MSRB3: variants seen among roughly 807,000 people sequenced by gnomAD.
MSRB3 encodes the protein methionine sulfoxide reductase B3, also known as methionine-R-sulfoxide reductase B3.
A neutral mutation model predicts 21.0 loss-of-function variants in MSRB3; 13 were observed. The ratio of observed to expected loss-of-function variants is 0.62; its 90% CI spans 0.40 to 0.98. MSRB3 has a LOEUF of 0.98. MSRB3 is among the 50% of genes least tolerant of loss of function. The pLI, the probability that MSRB3 is intolerant of heterozygous loss-of-function variation, is 0.00. For synonymous variants in MSRB3, 87 were observed against 88.6 expected (o/e 0.98, Z 0.10); for missense variants, 199 against 230.3 (o/e 0.86, Z 0.88).
At chr12:65,388,365 A>T (rs1391474850) in intron 5 of MSRB3, among the ~76,000 whole-genome samples, 3 of 151,912 alleles carry the variant, frequency 2.0e-5, no homozygotes, top group Non-Finnish European at 4.4e-5. Flanking sequence ...CCTGGCAGTG[A>T]GGGGAACAGG....
At chr12:65,345,419 C>T (rs1440744654) in intron 4 of MSRB3, among the ~76,000 whole-genome samples, 2 of 152,008 alleles carry the variant, frequency 1.3e-5, no homozygotes, top group African/African-American at 2.4e-5. Context: ...ACTCATGGAG[C>T]CTACAACACA....
In MSRB3 at chr12:65,337,001, T is replaced by C. The variant is rs560868260; in HGVS notation, c.263+8398T>C. Among the ~76,000 whole-genome samples, 526 of 152,288 alleles carry C rather than the reference T, an allele frequency of 3.5e-3. 4 individuals carry two copies. Among genetic ancestry groups the C allele is most frequent in the African/African-American group, 0.012 (493 of 41,566 alleles). On this transcript the variant is annotated intron_variant, in intron 4 of 6. Coordinates refer to ENST00000308259, the MANE Select transcript of MSRB3 (RefSeq NM_001031679.3). ...GCTCACGCCTGTAATCTCAGCACTT[T>C]GGGCGGCTGAGGCGGGCGGATCACG...
At chr12:65,439,824 G>A (rs2136677937) in intron 5 of MSRB3, among the ~76,000 whole-genome samples, 1 of 151,564 alleles carries the variant, frequency 6.6e-6, no homozygotes, top group South Asian at 2.1e-4. Context: ...ATCCAAAGAT[G>A]GTTTTTTGAA....
At chr12:65,331,087 TCTA>T (rs923715159) in intron 4 of MSRB3, among the ~76,000 whole-genome samples, 7 of 152,320 alleles carry the variant, frequency 4.6e-5, no homozygotes, top group Non-Finnish European at 1.0e-4. Context: ...TTTTGTCAAA[TCTA>T]CATTTTACGT....
chr12:65,301,730 G>T (rs944351477), intron 1 of MSRB3, among the ~76,000 whole-genome samples: 1 of 152,074 alleles, frequency 6.6e-6, no homozygotes, highest in African/African-American at 2.4e-5. Flanking sequence ...TCTTCGGTGT[G>T]ATAACAAAAG....
chr12:65,290,284 G>C (rs1377950324), intron 1 of MSRB3, among the ~76,000 whole-genome samples: 5 of 152,102 alleles, frequency 3.3e-5, no homozygotes, highest in Non-Finnish European at 4.4e-5. Flanking sequence ...TAAGGACTGA[G>C]GCAAGAGTGT....
chr12:65,354,704 A>G (rs1320861416), intron 4 of MSRB3, among the ~76,000 whole-genome samples: 3 of 151,878 alleles, frequency 2.0e-5, no homozygotes, highest in Non-Finnish European at 4.4e-5. Context: ...GAAGGAATGA[A>G]TAAGGCAGTG....
intron 4 of MSRB3, among the ~76,000 whole-genome samples, chr12:65,363,890 G>A (rs767015127): frequency 1.3e-5 from 2 of 152,116 alleles, no homozygotes; most frequent in Non-Finnish European, 2.9e-5. Context: ...GGAGGCTGAG[G>A]CAGGAGAATT....
intron 5 of MSRB3, among the ~76,000 whole-genome samples, chr12:65,405,256 T>C (rs1210273136): frequency 6.6e-6 from 1 of 152,066 alleles, no homozygotes; most frequent in Non-Finnish European, 1.5e-5. Context: ...CTGGCTTACT[T>C]AACTTCTATA....
At chr12:65,408,900 T>C (rs1880565900) in intron 5 of MSRB3, among the ~76,000 whole-genome samples, 1 of 152,118 alleles carries the variant, frequency 6.6e-6, no homozygotes, top group Admixed American at 6.5e-5. Context: ...AACACAATCA[T>C]CTGGGTGTAT....
intron 4 of MSRB3, among the ~76,000 whole-genome samples, chr12:65,345,565 T>A (rs1876434618): frequency 6.6e-6 from 1 of 152,054 alleles, no homozygotes; most frequent in African/African-American, 2.4e-5. Context: ...AATGCTAAAG[T>A]AGATAAGGAA....
At chr12:65,447,999 A>G (rs1022277026) in intron 5 of MSRB3, among the ~76,000 whole-genome samples, 2 of 152,182 alleles carry the variant, frequency 1.3e-5, no homozygotes, top group Admixed American at 6.5e-5. Flanking sequence ...TGGAAAATCA[A>G]TTTGATTTTC....
At chr12:65,407,566 G>A (rs1429308381) in intron 5 of MSRB3, among the ~76,000 whole-genome samples, 2 of 151,950 alleles carry the variant, frequency 1.3e-5, no homozygotes, top group East Asian at 3.8e-4. Flanking sequence ...TATTCTCTGA[G>A]CTTCCTGGAT....
At chr12:65,427,702 C>T (rs1881671485) in intron 5 of MSRB3, among the ~76,000 whole-genome samples, 2 of 152,156 alleles carry the variant, frequency 1.3e-5, no homozygotes, top group Admixed American at 6.5e-5. Flanking sequence ...CACTGCCACA[C>T]TGATAACAGT....
At chr12:65,420,791 A>C (rs1384550532) in intron 5 of MSRB3, among the ~76,000 whole-genome samples, 1 of 152,220 alleles carries the variant, frequency 6.6e-6, no homozygotes, top group Non-Finnish European at 1.5e-5. Flanking sequence ...GTTTCTGCAT[A>C]TGACATGGTC....
intron 5 of MSRB3, among the ~76,000 whole-genome samples, chr12:65,374,413 C>A (rs1878487953): frequency 6.6e-6 from 1 of 152,134 alleles, no homozygotes; most frequent in African/African-American, 2.4e-5. Flanking sequence ...GAATCTTATG[C>A]TGGTTGGTTG....
intron 1 of MSRB3, among the ~76,000 whole-genome samples, chr12:65,293,203 C>T (rs1212489293): frequency 8.5e-5 from 13 of 152,228 alleles, no homozygotes; most frequent in Middle Eastern, 3.4e-3. Flanking sequence ...GATCTCATGT[C>T]CTGTGTCATT....
At chr12:65,424,584 C>T (rs1295658029) in intron 5 of MSRB3, among the ~76,000 whole-genome samples, 1 of 151,958 alleles carries the variant, frequency 6.6e-6, no homozygotes, top group African/African-American at 2.4e-5. Context: ...TGTTTAAGAG[C>T]ATGTGTTTAA....
chr12:65,453,849 C>A, intron 6 of MSRB3, 24 bp downstream of exon 6: 2 of 1,579,070 alleles, frequency 1.3e-6, no homozygotes, highest in Non-Finnish European at 1.7e-6. Context: ...TTCTGAAAAC[C>A]CAATACATTG....
Sources: gnomAD v4.1 joint callset for allele counts (sites outside exome capture counted in the v4.1 genomes callset) on GRCh38, gnomAD v4.1.1 for gene constraint, MANE v1.5 for transcripts, NCBI Gene and HGNC (gene_info 2026-07-23, HGNC 2026-07-21) for gene names.